TENM4: variants seen among roughly 807,000 people sequenced by gnomAD.
TENM4 encodes the protein teneurin-4.
A neutral mutation model predicts 243.3 loss-of-function variants in TENM4; 82 were observed. The observed-to-expected ratio is 0.34, with a 90% CI of 0.28 to 0.40. The LOEUF (loss-of-function observed/expected upper bound fraction) is 0.40. TENM4 is among the 10% of genes least tolerant of loss of function. The pLI is 1.00. For missense variants in TENM4, 3,138 were observed against 3,673.3 expected, an observed-to-expected ratio of 0.85 and a Z score of 3.77; for synonymous variants, 1,412 against 1,456.3, an observed-to-expected ratio of 0.97 and a Z score of 0.69.
intron 12 of TENM4, among the ~76,000 whole-genome samples, chr11:78,848,625 A>C (rs1284050231): frequency 6.6e-6 from 1 of 152,078 alleles, no homozygotes; most frequent in Non-Finnish European, 1.5e-5. Context: ...CCTTCCTTCA[A>C]CCCTCATGGG....
intron 6 of TENM4, among the ~76,000 whole-genome samples, chr11:79,049,196 C>G (rs1228304515): frequency 2.0e-5 from 3 of 152,194 alleles, no homozygotes; most frequent in East Asian, 1.9e-4. Context: ...TTCCCTCCCC[C>G]AGTCCCCAGT....
intron 2 of TENM4, among the ~76,000 whole-genome samples, chr11:79,269,877 CTT>C (rs1855940217): frequency 1.3e-5 from 2 of 152,210 alleles, no homozygotes; most frequent in South Asian, 4.1e-4. Flanking sequence ...TTTAGAGTGT[CTT>C]TTATAAAAAC....
intron 6 of TENM4, among the ~76,000 whole-genome samples, chr11:78,917,339 C>T (rs2136372982): frequency 6.6e-6 from 1 of 152,314 alleles, no homozygotes. Flanking sequence ...AGTCACAAGG[C>T]AGCATGGTGG....
At chr11:78,754,646 A>G (rs2135948351) in intron 19 of TENM4, among the ~76,000 whole-genome samples, 1 of 152,354 alleles carries the variant, frequency 6.6e-6, no homozygotes, top group South Asian at 2.1e-4. Context: ...AAGGCCTACA[A>G]GCATACATAC....
At chr11:78,858,396 G>T (rs1858731411) in intron 10 of TENM4, among the ~76,000 whole-genome samples, 1 of 152,158 alleles carries the variant, frequency 6.6e-6, no homozygotes, top group African/African-American at 2.4e-5. Context: ...CTGCTCTGGG[G>T]CATATCCTCT....
chr11:78,658,654 A>G lies in TENM4; in HGVS notation c.7714T>C (p.Phe2572Leu), dbSNP rs368515496. The change falls in exon 34 of 34, where the codon TTT (phenylalanine) becomes CTT (leucine). Residue 2572 changes from phenylalanine (F) to leucine (L), a missense_variant. Phe to Leu is a conservative substitution (Grantham distance 22). Around this residue, in one of 2 missense-constraint regions of TENM4, gnomAD observed 2,467 missense variants for 3,059.1 expected, o/e 0.81. Coordinates refer to ENST00000278550, the MANE Select transcript of TENM4 (RefSeq NM_001098816.3). ...SGSVFGKGVK[F>L]ALKDGRVTTD... ...GTCACTCGGCCATCCTTCAAGGCAA[A>G]CTTGACCCCCTTGCCAAAGACTGAG... 99 of 1,613,920 alleles carry G rather than the reference A, an allele frequency of 6.1e-5. No homozygotes were observed. Among genetic ancestry groups the G allele is most frequent in the Non-Finnish European group, 7.7e-5 (91 of 1,179,902 alleles).
At chr11:78,801,373 A>G (rs953240523) in intron 15 of TENM4, among the ~76,000 whole-genome samples, 3 of 152,220 alleles carry the variant, frequency 2.0e-5, no homozygotes, top group South Asian at 2.1e-4. Flanking sequence ...TCTGGGGCAT[A>G]AGAATCTGTT....
chr11:78,840,521 T>G (rs1282341469), intron 12 of TENM4, among the ~76,000 whole-genome samples: 2 of 152,196 alleles, frequency 1.3e-5, no homozygotes, highest in Non-Finnish European at 2.9e-5. Flanking sequence ...CTCATTGTGC[T>G]GGCGTTTCAA....
At position 79,297,922 on chromosome 11, in the gene TENM4, CT is replaced by C. The variant is rs140582710; in HGVS notation, c.-320-380del. On this transcript the variant is annotated intron_variant, in intron 1 of 33. Transcript: ENST00000278550. ...ACACATTCATGTCCAACAATTTGGG[CT>C]TTTTTTTTTCTTTTTTTTTTCCTTC... Among the ~76,000 whole-genome samples the C allele has an allele frequency of 4.2e-3, 622 of 147,032 alleles. 5 individuals carry two copies. The highest frequency in any genetic ancestry group is 0.014 in the African/African-American group (553 of 39,946).
At chr11:78,862,842 G>T in intron 10 of TENM4, 120 bp downstream of exon 10, 2 of 1,067,316 alleles carry the variant, frequency 1.9e-6, no homozygotes, top group Non-Finnish European at 2.5e-6. Context: ...TGGAAGGATG[G>T]AGGGAGCGCC....
intron 4 of TENM4, among the ~76,000 whole-genome samples, chr11:79,117,087 G>A (rs1861638540): frequency 6.6e-6 from 1 of 152,038 alleles, no homozygotes; most frequent in Non-Finnish European, 1.5e-5. Flanking sequence ...TCAATTCACT[G>A]TGATGATGGT....
At chr11:79,152,185 A>G (rs1862524326) in intron 3 of TENM4, among the ~76,000 whole-genome samples, 1 of 152,178 alleles carries the variant, frequency 6.6e-6, no homozygotes, top group South Asian at 2.1e-4. Context: ...CATGGTTCAC[A>G]AATATTAATA....
chr11:78,753,218 T>G (rs1856230499), intron 19 of TENM4, among the ~76,000 whole-genome samples: 1 of 152,198 alleles, frequency 6.6e-6, no homozygotes, highest in Admixed American at 6.5e-5. Context: ...TCACCTAATA[T>G]GTACCAAGCC....
intron 6 of TENM4, among the ~76,000 whole-genome samples, chr11:79,006,548 G>A (rs1022889027): frequency 3.9e-5 from 6 of 152,088 alleles, no homozygotes; most frequent in Middle Eastern, 3.4e-3. Flanking sequence ...AGGTGTAGAC[G>A]TGATTCTCTT....
At chr11:79,330,272 G>C (rs1857040952) in intron 1 of TENM4, among the ~76,000 whole-genome samples, 1 of 152,198 alleles carries the variant, frequency 6.6e-6, no homozygotes, top group Non-Finnish European at 1.5e-5. Flanking sequence ...CTAATGGACT[G>C]GCCATGGGAG....
intron 6 of TENM4, among the ~76,000 whole-genome samples, chr11:78,926,633 A>G (rs1856556591): frequency 1.3e-5 from 2 of 150,992 alleles, no homozygotes; most frequent in African/African-American, 4.9e-5. Flanking sequence ...TTTTGTACAC[A>G]TATCACTTTC....
intron 6 of TENM4, among the ~76,000 whole-genome samples, chr11:79,051,913 G>A (rs1370051929): frequency 2.0e-5 from 3 of 152,140 alleles, no homozygotes; most frequent in Non-Finnish European, 4.4e-5. Flanking sequence ...AAGGATGATG[G>A]CTTCCAGCTC....
chr11:79,152,666 AC>A (rs1862533895), intron 3 of TENM4, among the ~76,000 whole-genome samples: 1 of 152,118 alleles, frequency 6.6e-6, no homozygotes, highest in Non-Finnish European at 1.5e-5. Flanking sequence ...CATTCCTCCA[AC>A]CCCTTCCAAT....
At chr11:79,134,469 C>T (rs1862070326) in intron 4 of TENM4, among the ~76,000 whole-genome samples, 1 of 152,168 alleles carries the variant, frequency 6.6e-6, no homozygotes, top group African/African-American at 2.4e-5. Flanking sequence ...ATACTACCAT[C>T]ATTCTTCACA....
Sources: allele counts gnomAD v4.1 joint callset (sites outside exome capture counted in the v4.1 genomes callset), GRCh38; gene constraint gnomAD v4.1.1; regional missense constraint gnomAD v4.1.1; transcripts MANE v1.5; gene names NCBI Gene and HGNC (gene_info 2026-07-23, HGNC 2026-07-21).